The following GXYLT2 variants were observed in gnomAD, a reference collection of about 807,000 sequenced individuals.
GXYLT2 encodes glucoside xylosyltransferase 2.
GXYLT2 carries 53 observed loss-of-function variants against 45.8 expected under a neutral mutation model. The observed-to-expected ratio is 1.16, with a 90% confidence interval of 0.93 to 1.46. The LOEUF is 1.46. Among genes scored for constraint, GXYLT2 ranks in the 40% most tolerant of loss-of-function variants. GXYLT2 has a pLI of 0.00. For missense variants in GXYLT2, 551 were observed against 544.4 expected (o/e 1.01, Z -0.12); for synonymous variants, 219 against 214.2 (o/e 1.02, Z -0.19).
chr3:72,951,191 A>ATTT (rs11398405), intron 3 of GXYLT2, among the ~76,000 whole-genome samples: 8 of 150,412 alleles, frequency 5.3e-5, no homozygotes, highest in Non-Finnish European at 1.2e-4. Flanking sequence ...TCAAAAAGTG[A>ATTT]TTTTTTTTTT....
At chr3:72,974,747 C>A (rs2107163803) in intron 6 of GXYLT2, among the ~76,000 whole-genome samples, 1 of 152,192 alleles carries the variant, frequency 6.6e-6, no homozygotes. Flanking sequence ...CATGCCTAGC[C>A]TTTTTCTTTT....
chr3:72,888,374 C>T lies in GXYLT2; in HGVS notation c.141C>T (p.Pro47=), dbSNP rs182416999. 4.6e-3 allele frequency: 4,564 copies of T among 984,754 alleles called. 148 individuals carry two copies. In the African/African-American group the frequency reaches 0.07, roughly 15 times the overall value. The allele number at this position is 984,754 out of a possible 1,614,324, so 61.0% of individuals were successfully genotyped here. A position where few individuals can be genotyped will look rare whatever the true frequency, so the allele number is the denominator to read the frequency against. Residue 47 remains proline (P), a synonymous_variant, in exon 1 of 7, where the codon CCC becomes CCT. Transcript: ENST00000389617. ...ARPASAPQRH[P]APVPARWPGP... ...CCGCGTCCGCCCCGCAGCGCCACCC[C>T]GCGCCTGTCCCCGCGCGCTGGCCGG...
chr3:72,922,401 G>A lies in GXYLT2; in HGVS notation c.600+66G>A, dbSNP rs1324807588. On this transcript the variant is annotated intron_variant, in intron 3 of 6. Transcript: ENST00000389617. ...GAAATAAGGTAAAATTAGCTGAGAT[G>A]TGTGTAGAAACATTTAACTTAACAG... is the stretch of plus-strand genomic sequence containing the variant. 3.3e-6 allele frequency: 5 copies of A among 1,512,326 alleles called. No homozygotes were observed. The South Asian group carries it at 4.9e-5, about 15-fold the overall frequency. The allele number at this position is 1,512,326 out of a possible 1,614,324, so 93.7% of individuals were successfully genotyped here. A position where few individuals can be genotyped will look rare whatever the true frequency, so the allele number is the denominator to read the frequency against.
At chr3:72,925,810 T>C (rs1709907888) in intron 3 of GXYLT2, among the ~76,000 whole-genome samples, 1 of 152,128 alleles carries the variant, frequency 6.6e-6, no homozygotes, top group South Asian at 2.1e-4. Flanking sequence ...CCCAGCTAAG[T>C]AGGTGCTTGG....
At chr3:72,947,930 AC>A (rs1432866521) in intron 3 of GXYLT2, among the ~76,000 whole-genome samples, 7 of 152,202 alleles carry the variant, frequency 4.6e-5, no homozygotes, top group African/African-American at 1.7e-4. Context: ...GTAAGGATCA[AC>A]CCATCAGGAA....
At chr3:72,894,823 T>C (rs1250257500) in intron 1 of GXYLT2, among the ~76,000 whole-genome samples, 1 of 152,208 alleles carries the variant, frequency 6.6e-6, no homozygotes, top group Non-Finnish European at 1.5e-5. Context: ...CAAACAATTG[T>C]GGTTCTTCTG....
Position 72,908,372 on chromosome 3 carries a change from C to T in GXYLT2, c.281C>T (p.Pro94Leu), listed in dbSNP as rs1005797847. 1 of 1,594,446 alleles carries T rather than the reference C, an allele frequency of 6.3e-7. No homozygotes were observed. The highest frequency in any genetic ancestry group is 2.2e-5 in the East Asian group (1 of 44,738). Residue 94 changes from proline (P) to leucine (L), a missense_variant, in exon 2 of 7, where the codon CCT (proline) becomes CTT (leucine). Pro to Leu is a moderately conservative substitution (Grantham distance 98, BLOSUM62 -3). Transcript: ENST00000389617. The stretch of plus-strand genomic sequence containing the variant: ...CTTGTTTTCCCTCTTTCTAGGAGGC[C>T]TGGAGAACCCAGGAGTTTCCAAGCT... Reference protein sequence around the residue: ...AARLEKLARRPGEPRSFQAVL... With the variant: ...AARLEKLARRLGEPRSFQAVL...
At chr3:72,958,483 A>G (rs1710693327) in intron 5 of GXYLT2, among the ~76,000 whole-genome samples, 1 of 152,100 alleles carries the variant, frequency 6.6e-6, no homozygotes, top group Non-Finnish European at 1.5e-5. Flanking sequence ...AAATTCTGGA[A>G]TAAAACTCAA....
rs555675556 is a variant in GXYLT2, at chr3:72,964,621, G to A, written c.977-2926G>A. 1.6e-4 allele frequency among the ~76,000 whole-genome samples: 25 copies of A among 152,236 alleles called. No individual in the cohort carries two copies. In the East Asian group the frequency reaches 3.3e-3, roughly 20 times the overall value. On this transcript the variant is annotated intron_variant, in intron 5 of 6. Coordinates refer to ENST00000389617, the MANE Select transcript of GXYLT2 (RefSeq NM_001080393.2). ...CAGGCGTGAGCCATTGCACCCAGCC[G>A]AGAAAAGGTTTCTTTTTGTAAGCCC...
intron 1 of GXYLT2, among the ~76,000 whole-genome samples, chr3:72,905,867 T>A (rs911260578): frequency 3.9e-5 from 6 of 152,204 alleles, no homozygotes; most frequent in African/African-American, 1.4e-4. Context: ...TTATTTGGAT[T>A]TGTACTTCCC....
rs1470499552 is a variant in GXYLT2 at position 72,915,368 on chromosome 3, G to GCC, written c.468+6809_468+6810insCC. Reference sequence around the variant, plus strand: ...TTTTTTTTTTTTGCGGGGGGGGGGGGGATTTAGGAAAAATAGCCCATAGAA... The same window carrying GCC: ...TTTTTTTTTTTTGCGGGGGGGGGGGGCCGATTTAGGAAAAATAGCCCATAGAA... On this transcript the variant is annotated intron_variant, in intron 2 of 6. Coordinates refer to ENST00000389617, the MANE Select transcript of GXYLT2 (RefSeq NM_001080393.2). Among the ~76,000 whole-genome samples the GCC allele has an allele frequency of 4.7e-4, 50 of 107,148 alleles. 3 individuals carry two copies. Among genetic ancestry groups the GCC allele is most frequent in the African/African-American group, 2.1e-3 (47 of 22,162 alleles). The allele number at this position is 107,148 out of a possible 152,430, so 70.3% of individuals were successfully genotyped here.
rs1575799183 is a variant in GXYLT2, at chr3:72,934,333, G to A, written c.600+11998G>A. ...ACTCCTGGGCTCAAGCAGTCTGCCCGCCTCAGTCTCCCAAAGTGCTGGGAT... is the reference window on the plus strand; with the variant it reads ...ACTCCTGGGCTCAAGCAGTCTGCCCACCTCAGTCTCCCAAAGTGCTGGGAT... On this transcript the variant is annotated intron_variant, in intron 3 of 6. Transcript: ENST00000389617. Among the ~76,000 whole-genome samples, 2 of 151,834 alleles carry A rather than the reference G, an allele frequency of 1.3e-5. 1 individual carries two copies. Among genetic ancestry groups the A allele is most frequent in the South Asian group, 4.2e-4 (2 of 4,818 alleles).
chr3:72,925,303 A>G (rs1403369815), intron 3 of GXYLT2, among the ~76,000 whole-genome samples: 1 of 151,886 alleles, frequency 6.6e-6, no homozygotes, highest in Admixed American at 6.6e-5. Context: ...ATTTTGGCGC[A>G]TACCACCATG....
chr3:72,897,478 G>A (rs1709316401), intron 1 of GXYLT2, among the ~76,000 whole-genome samples: 1 of 152,198 alleles, frequency 6.6e-6, no homozygotes, highest in Admixed American at 6.5e-5. Context: ...AATAACATGT[G>A]TTTCCAATCA....
At chr3:72,961,674 A>AAAAAAAAAAAAAG (rs1278781750) in intron 5 of GXYLT2, among the ~76,000 whole-genome samples, 2 of 118,978 alleles carry the variant, frequency 1.7e-5, no homozygotes, top group Non-Finnish European at 3.4e-5. Flanking sequence ...AAAAAAAAAA[A>AAAAAAAAAAAAAG]AGAGAGAGAG....
At chr3:72,897,820 A>G (rs968642651) in intron 1 of GXYLT2, among the ~76,000 whole-genome samples, 2 of 152,244 alleles carry the variant, frequency 1.3e-5, no homozygotes, top group Non-Finnish European at 2.9e-5. Flanking sequence ...GCTAACCACC[A>G]TGCTGTAGCT....
At chr3:72,945,250 T>G (rs1234451223) in intron 3 of GXYLT2, among the ~76,000 whole-genome samples, 1 of 151,962 alleles carries the variant, frequency 6.6e-6, no homozygotes. Context: ...ATCGCGCCAC[T>G]GCACTCCAGC....
chr3:72,917,612 C>T (rs1709764679), intron 2 of GXYLT2, among the ~76,000 whole-genome samples: 2 of 151,626 alleles, frequency 1.3e-5, no homozygotes, highest in South Asian at 4.2e-4. Context: ...GAAAAATTAG[C>T]CAGGCATGAT....
intron 3 of GXYLT2, among the ~76,000 whole-genome samples, chr3:72,952,814 C>T (rs1056026982): frequency 5.3e-5 from 8 of 152,002 alleles, no homozygotes; most frequent in African/African-American, 1.9e-4. Context: ...CAATTATCTC[C>T]CAAAGGCCCC....
Sources: allele counts gnomAD v4.1 joint callset (sites outside exome capture counted in the v4.1 genomes callset), GRCh38; gene constraint gnomAD v4.1.1; transcripts MANE v1.5; gene names NCBI Gene and HGNC (gene_info 2026-07-23, HGNC 2026-07-21).